CARMIL1: variants seen among roughly 807,000 people sequenced by gnomAD.
The protein encoded by CARMIL1 is F-actin-uncapping protein LRRC16A.
Under a neutral mutation model 177.1 loss-of-function variants are expected in CARMIL1, and 90 were observed. The observed-to-expected ratio is 0.51, with a 90% CI of 0.43 to 0.61. The LOEUF (loss-of-function observed/expected upper bound fraction) is 0.61, where lower values mean the gene tolerates loss of function less well. CARMIL1 is among the 20% of genes least tolerant of loss of function. CARMIL1 has a pLI of 0.00. For missense variants in CARMIL1, 1,380 were observed against 1,667.0 expected (o/e 0.83, Z 3.00); for synonymous variants, 577 against 606.2 (o/e 0.95, Z 0.71).
At chr6:25,373,511 G>C (rs1790642528) in intron 2 of CARMIL1, among the ~76,000 whole-genome samples, 1 of 151,572 alleles carries the variant, frequency 6.6e-6, no homozygotes, top group South Asian at 2.1e-4. Flanking sequence ...TGTTTGCATG[G>C]AGGTGTTCAT....
chr6:25,497,588 T>C (rs1803864609), intron 16 of CARMIL1, among the ~76,000 whole-genome samples: 1 of 152,144 alleles, frequency 6.6e-6, no homozygotes, highest in Non-Finnish European at 1.5e-5. Context: ...GGGAAGTGCC[T>C]AGCAGTGTCC....
At chr6:25,593,456 A>G (rs954907104) in intron 31 of CARMIL1, among the ~76,000 whole-genome samples, 2 of 152,176 alleles carry the variant, frequency 1.3e-5, no homozygotes, top group African/African-American at 4.8e-5. Flanking sequence ...GCTGTTCCTT[A>G]TGGGTTATTG....
intron 15 of CARMIL1, among the ~76,000 whole-genome samples, chr6:25,494,108 AAGTT>A (rs202056061): frequency 0.029 from 4,296 of 149,400 alleles, 86 homozygotes; most frequent in Middle Eastern, 0.087. Context: ...TTATTATTTA[AAGTT>A]AGTTTTTATT....
rs1272709255 is a variant in CARMIL1, at chr6:25,465,800, A to G, written c.615-73A>G. 8 of 875,870 alleles carry G rather than the reference A, an allele frequency of 9.1e-6. No homozygotes were observed. In the Admixed American group the frequency reaches 1.3e-4, roughly 14 times the overall value. 54.3% of individuals were successfully genotyped at this position (875,870 alleles called of 1,614,324 possible). On this transcript the variant is annotated intron_variant, in intron 8 of 36. Transcript: ENST00000329474. ...AAATTAACAGGTGAACTTGGATGTC[A>G]TGGATTAAAAATTAAGTGTCAGTGT...
At chr6:25,526,268 G>A (rs534179453) in intron 23 of CARMIL1, among the ~76,000 whole-genome samples, 14 of 151,958 alleles carry the variant, frequency 9.2e-5, no homozygotes, top group African/African-American at 2.2e-4. Flanking sequence ...GCGTGAACCC[G>A]GGGGGTGGAG....
rs1810462567 is a variant in CARMIL1 at position 25,554,878 on chromosome 6, C to T, written c.2592+782C>T. ...TTATGGCATTGAATTGTTGGGTGAC[C>T]CTAGAGAATCCTAAAATGAGAGGAG... On this transcript the variant is annotated intron_variant, in intron 28 of 36. Transcript: ENST00000329474. The surrounding 1 kb of genome is among the most constrained non-coding windows in gnomAD (Gnocchi z 4.6). Among the ~76,000 whole-genome samples, 1 of 152,062 alleles carries T rather than the reference C, an allele frequency of 6.6e-6. No individual in the cohort carries two copies. The highest frequency in any genetic ancestry group is 2.1e-4 in the South Asian group (1 of 4,820).
chr6:25,581,185 T>C, intron 30 of CARMIL1, 58 bp from the exon 31 acceptor site: 1 of 1,504,844 alleles, frequency 6.6e-7, no homozygotes, highest in Non-Finnish European at 9.1e-7. Flanking sequence ...TTTATCCATC[T>C]CTATGCATTA....
rs779466236 is a variant in CARMIL1 at position 25,509,662 on chromosome 6, T to C, written c.1402T>C (p.Ser468Pro). 1.9e-6 allele frequency: 3 copies of C among 1,600,708 alleles called. No homozygotes were observed. The highest frequency in any genetic ancestry group is 2.6e-6 in the Non-Finnish European group (3 of 1,172,572). Residue 468 changes from serine (S) to proline (P), a missense_variant, in exon 18 of 37, where the codon TCA (serine) becomes CCA (proline). Transcript: ENST00000329474. This position sits in a 1 kb window ranked among gnomAD's most constrained non-coding sequence, Gnocchi z 4.1. ...TTGGTTTGTGTTTCTCTAGCTGAGA[T>C]CAGGAGGTGCTCAAGTATTAGAAGG... is the stretch of plus-strand genomic sequence containing the variant. ...SLDLSNCELRSGGAQVLEGCI... is the reference protein window; with the variant it reads ...SLDLSNCELRPGGAQVLEGCI...
At chr6:25,507,398 A>G (rs569762427) in intron 17 of CARMIL1, 14 of 152,676 alleles carry the variant, frequency 9.2e-5, no homozygotes, top group Non-Finnish European at 2.1e-4. Flanking sequence ...TTGTATTGAT[A>G]GAAACTTTAG....
chr6:25,339,174 C>A (rs1285764652), intron 2 of CARMIL1, among the ~76,000 whole-genome samples: 11 of 152,202 alleles, frequency 7.2e-5, no homozygotes, highest in African/African-American at 2.7e-4. Context: ...CTCTCTCATA[C>A]ACACCCACTA....
intron 2 of CARMIL1, among the ~76,000 whole-genome samples, chr6:25,299,032 G>A (rs1214201269): frequency 1.3e-5 from 2 of 149,300 alleles, no homozygotes; most frequent in African/African-American, 4.9e-5. Context: ...GATTACAGGT[G>A]TGAGCCACTG....
At chr6:25,465,614 G>A (rs761395122) in intron 8 of CARMIL1, 1 of 435,290 alleles carries the variant, frequency 2.3e-6, no homozygotes, top group Non-Finnish European at 4.1e-6. Flanking sequence ...AGAGCAAGGA[G>A]GTTTTTCAAG....
At position 25,353,941 on chromosome 6, in the gene CARMIL1, A is replaced by G. The variant is rs116728603; in HGVS notation, c.139-66173A>G. ...AGGGGACATTTGGCAGTGTCTAGAG[A>G]CAGATATTTTGGATTTTCACAACTA... On this transcript the variant is annotated intron_variant, in intron 2 of 36. Transcript: ENST00000329474. Among the ~76,000 whole-genome samples, 668 of 152,284 alleles carry G rather than the reference A, an allele frequency of 4.4e-3. 4 individuals are homozygous for G. Among genetic ancestry groups the G allele is most frequent in the African/African-American group, 0.015 (616 of 41,542 alleles).
intron 2 of CARMIL1, among the ~76,000 whole-genome samples, chr6:25,389,668 G>C (rs1036109113): frequency 5.9e-5 from 9 of 152,226 alleles, no homozygotes; most frequent in East Asian, 1.9e-4. Flanking sequence ...AAAAAGCAAT[G>C]AGTTGTTTCT....
At chr6:25,533,912 C>G (rs141038251) in intron 24 of CARMIL1, among the ~76,000 whole-genome samples, 72 of 152,206 alleles carry the variant, frequency 4.7e-4, no homozygotes, top group African/African-American at 1.7e-3. Flanking sequence ...CAAACTCATC[C>G]TTTTGAACTC....
chr6:25,603,822 G>C (rs1320834001), intron 33 of CARMIL1, among the ~76,000 whole-genome samples: 1 of 152,036 alleles, frequency 6.6e-6, no homozygotes, highest in Non-Finnish European at 1.5e-5. Context: ...GTCTAGTGTA[G>C]ACTTTCTAAA....
intron 17 of CARMIL1, among the ~76,000 whole-genome samples, chr6:25,500,481 T>G (rs301393): frequency 0.78 from 118,351 of 152,106 alleles, 46,371 homozygotes; most frequent in East Asian, 0.91. Flanking sequence ...TCTTGGTGCC[T>G]GCTGGCTGAG....
intron 2 of CARMIL1, among the ~76,000 whole-genome samples, chr6:25,307,788 T>G (rs941905498): frequency 6.6e-6 from 1 of 152,246 alleles, no homozygotes; most frequent in Non-Finnish European, 1.5e-5. Flanking sequence ...ACTGCTTTTT[T>G]GGGGGACCAC....
intron 29 of CARMIL1, among the ~76,000 whole-genome samples, chr6:25,566,321 T>C (rs1191149868): frequency 6.6e-6 from 1 of 152,252 alleles, no homozygotes; most frequent in Non-Finnish European, 1.5e-5. Flanking sequence ...GTCTGCCTTC[T>C]GTCTCTGTCT....
Sources: gnomAD v4.1 joint callset for allele counts (sites outside exome capture counted in the v4.1 genomes callset) on GRCh38, gnomAD v4.1.1 for gene constraint, Gnocchi (gnomAD v3.1) non-coding constraint, MANE v1.5 for transcripts, NCBI Gene and HGNC (gene_info 2026-07-23, HGNC 2026-07-21) for gene names.